FILIP1: variants seen among roughly 807,000 people sequenced by gnomAD.
FILIP1 encodes filamin-A-interacting protein 1.
FILIP1 carries 61 observed loss-of-function variants against 102.1 expected under a neutral mutation model. The observed-to-expected ratio is 0.60, with a 90% CI of 0.49 to 0.74. FILIP1 has a LOEUF of 0.74. Among genes scored for constraint, FILIP1 ranks in the 30% least tolerant of loss-of-function variants. FILIP1 has a pLI of 0.00. For missense variants in FILIP1, 1,314 were observed against 1,441.2 expected (o/e 0.91, Z 1.43); for synonymous variants, 491 against 526.9 (o/e 0.93, Z 0.93).
intron 1 of FILIP1, among the ~76,000 whole-genome samples, chr6:75,445,790 T>C (rs530644089): frequency 6.6e-6 from 1 of 151,482 alleles, no homozygotes; most frequent in South Asian, 2.1e-4. Flanking sequence ...TAATTAACAA[T>C]ATATATTTTT....
At chr6:75,424,791 G>T (rs563890646) in intron 1 of FILIP1, among the ~76,000 whole-genome samples, 31 of 152,182 alleles carry the variant, frequency 2.0e-4, no homozygotes, top group African/African-American at 7.2e-4. Context: ...TGATTTGGAT[G>T]ATATCATTGC....
At position 75,313,611 on chromosome 6, in the gene FILIP1, G is replaced by T. The variant is rs1342108493; in HGVS notation, c.2221C>A (p.Leu741Ile). The part of the protein sequence containing the change: ...IHELMNKEDQ[L>I]SQLQVDYSVL... ...GAATAATCTACCTGGAGCTGAGAAA[G>T]CTGATCTTCTTTGTTCATTAATTCG... is the stretch of plus-strand genomic sequence containing the variant. Residue 741 changes from leucine (L) to isoleucine (I), a missense_variant, in exon 5 of 6, where the codon CTT becomes ATT. Physicochemically the swap from Leu to Ile is conservative, Grantham distance 5. Transcript: ENST00000237172. This position sits in a 1 kb window ranked among gnomAD's most constrained non-coding sequence, Gnocchi z 4.2. 1.2e-6 allele frequency: 2 copies of T among 1,607,490 alleles called. No individual in the cohort carries two copies. Among genetic ancestry groups the T allele is most frequent in the Non-Finnish European group, 1.7e-6 (2 of 1,178,224 alleles).
chr6:75,417,590 C>T (rs1777310577), intron 1 of FILIP1, among the ~76,000 whole-genome samples: 1 of 152,166 alleles, frequency 6.6e-6, no homozygotes, highest in Non-Finnish European at 1.5e-5. Context: ...TAATAGCTCT[C>T]ACTTACTGCT....
exon 7 of FILIP1, chr6:75,295,337 G>A (rs1464982774): frequency 6.6e-6 from 1 of 152,138 alleles, no homozygotes; most frequent in Non-Finnish European, 1.5e-5. Context: ...TTATTTGTTA[G>A]CATTGAACCA....
Position 75,372,793 on chromosome 6 carries a change from A to AGAAAGAAAGAAG in FILIP1, c.277-9877_277-9876insCTTCTTTCTTTC, listed in dbSNP as rs1554204978. Among the ~76,000 whole-genome samples, 59 of 41,492 alleles carry AGAAAGAAAGAAG rather than the reference A, an allele frequency of 1.4e-3. 13 individuals are homozygous for AGAAAGAAAGAAG. Among genetic ancestry groups the AGAAAGAAAGAAG allele is most frequent in the South Asian group, 8.9e-3 (9 of 1,012 alleles). The allele number at this position is 41,492 out of a possible 152,430, so 27.2% of individuals were successfully genotyped here. A position where few individuals can be genotyped will look rare whatever the true frequency, so the allele number is the denominator to read the frequency against. On this transcript the variant is annotated intron_variant, in intron 2 of 5. Transcript: ENST00000237172. Reference sequence around the variant, plus strand: ...AAGAAAGAAAGAAAGAAAGAAAGAAAGAAGGAAAGAAAGAAAGAAAAGAGT... The same window carrying AGAAAGAAAGAAG: ...AAGAAAGAAAGAAAGAAAGAAAGAAAGAAAGAAAGAAGGAAGGAAAGAAAGAAAGAAAAGAGT...
intron 1 of FILIP1, among the ~76,000 whole-genome samples, chr6:75,453,495 T>C (rs1225374495): frequency 6.6e-6 from 1 of 152,180 alleles, no homozygotes. Flanking sequence ...TGCTAGAGAT[T>C]ACATAGGTGA....
chr6:75,414,744 T>C lies in FILIP1; in HGVS notation c.229A>G (p.Lys77Glu), dbSNP rs1309048149. ...RKTKKSLELS[K>E]EDLIQLLSIM... Reference sequence around the variant, plus strand: ...CTGAGTAGTTGGATGAGGTCTTCTTTGGATAACTCCAGGGATTTCTTAGTT... The same window carrying C: ...CTGAGTAGTTGGATGAGGTCTTCTTCGGATAACTCCAGGGATTTCTTAGTT... Residue 77 changes from lysine (K) to glutamate (E), a missense_variant, in exon 2 of 6, where the codon AAA (lysine) becomes GAA (glutamate). Lys to Glu is a moderately conservative substitution (Grantham distance 56). Coordinates refer to ENST00000237172, the MANE Select transcript of FILIP1 (RefSeq NM_015687.5). 6.2e-7 allele frequency: 1 copy of C among 1,613,776 alleles called. No individual in the cohort carries two copies. The highest frequency in any genetic ancestry group is 8.5e-7 in the Non-Finnish European group (1 of 1,179,816).
At chr6:75,410,356 C>T (rs1018125771) in intron 2 of FILIP1, among the ~76,000 whole-genome samples, 8 of 151,968 alleles carry the variant, frequency 5.3e-5, no homozygotes, top group Admixed American at 2.0e-4. Flanking sequence ...TTATCTCTAG[C>T]CCGGCAAACC....
chr6:75,381,345 T>C (rs558263719), intron 2 of FILIP1, among the ~76,000 whole-genome samples: 2 of 152,248 alleles, frequency 1.3e-5, no homozygotes, highest in East Asian at 3.9e-4. Flanking sequence ...TTCTCCTGCT[T>C]CAGCCTCCTG....
chr6:75,429,441 G>A (rs1291838855), intron 1 of FILIP1, among the ~76,000 whole-genome samples: 2 of 152,194 alleles, frequency 1.3e-5, no homozygotes, highest in East Asian at 1.9e-4. Flanking sequence ...AGGGGAGAAG[G>A]AATGTTGTGC....
At chr6:75,359,116 G>A (rs542602799) in intron 3 of FILIP1, among the ~76,000 whole-genome samples, 11 of 150,864 alleles carry the variant, frequency 7.3e-5, no homozygotes, top group African/African-American at 1.7e-4. Flanking sequence ...AGTGATTCTC[G>A]TGCTTCAGCC....
intron 4 of FILIP1, among the ~76,000 whole-genome samples, chr6:75,340,437 A>T (rs1774382584): frequency 1.3e-5 from 2 of 152,180 alleles, no homozygotes; most frequent in African/African-American, 4.8e-5. Context: ...CAAAAAGATG[A>T]CTATGATAAT....
At position 75,347,509 on chromosome 6, in the gene FILIP1, G is replaced by A. The variant is rs148735136; in HGVS notation, c.629+6030C>T. Among the ~76,000 whole-genome samples, 57 of 152,292 alleles carry A rather than the reference G, an allele frequency of 3.7e-4. 1 individual carries two copies. The East Asian group carries it at 0.011, about 29-fold the overall frequency. On this transcript the variant is annotated intron_variant, in intron 4 of 5. Coordinates refer to ENST00000237172, the MANE Select transcript of FILIP1 (RefSeq NM_015687.5). ...AGCATCAGCAACCTTTTTCTACAGA[G>A]TGCTTTATTTAGATTCTCTGAGCTA... is the stretch of plus-strand genomic sequence containing the variant.
At chr6:75,310,171 T>A (rs533176441) in intron 5 of FILIP1, among the ~76,000 whole-genome samples, 66 of 152,366 alleles carry the variant, frequency 4.3e-4, no homozygotes, top group African/African-American at 1.5e-3. Context: ...TCCTTCACAC[T>A]GTCGTGCCTT....
Position 75,414,954 on chromosome 6 carries a change from C to G in FILIP1, c.19G>C (p.Gly7Arg), listed in dbSNP as rs576070921. The change falls in exon 2 of 6, where the codon GGT becomes CGT. Residue 7 changes from glycine (G) to arginine (R), a missense_variant. Gly to Arg is a moderately radical substitution (Grantham distance 125). Around this residue, in one of 3 missense-constraint regions of FILIP1, gnomAD observed 494 missense variants for 511.2 expected, o/e 0.97. Coordinates refer to ENST00000237172, the MANE Select transcript of FILIP1 (RefSeq NM_015687.5). ...TGCCCATCAGATGCACTTTCACCAC[C>G]TTGGTTTCGAGATCTCATTCCCACC... MRSRNQ[G>R]GESASDGHIS... 6.2e-7 allele frequency: 1 copy of G among 1,613,496 alleles called. No individual in the cohort carries two copies. Among genetic ancestry groups the G allele is most frequent in the Non-Finnish European group, 8.5e-7 (1 of 1,179,628 alleles).
At chr6:75,425,676 T>A (rs557588904) in intron 1 of FILIP1, among the ~76,000 whole-genome samples, 11 of 152,266 alleles carry the variant, frequency 7.2e-5, no homozygotes, top group Admixed American at 6.5e-4. Flanking sequence ...TCTGTAATGC[T>A]GGACAAGTCA....
intron 1 of FILIP1, among the ~76,000 whole-genome samples, chr6:75,466,483 A>G (rs1410016251): frequency 3.3e-5 from 5 of 152,238 alleles, no homozygotes; most frequent in Non-Finnish European, 7.3e-5. Flanking sequence ...TCCATTCATC[A>G]ACAACGTTAT....
At chr6:75,423,986 T>G (rs896734857) in intron 1 of FILIP1, among the ~76,000 whole-genome samples, 2 of 152,214 alleles carry the variant, frequency 1.3e-5, no homozygotes, top group Non-Finnish European at 2.9e-5. Context: ...TTAAAATTCA[T>G]GGACTGGAAC....
At chr6:75,407,626 T>C (rs1776918514) in intron 2 of FILIP1, among the ~76,000 whole-genome samples, 1 of 152,196 alleles carries the variant, frequency 6.6e-6, no homozygotes, top group Non-Finnish European at 1.5e-5. Context: ...AATGTGTCAA[T>C]GACTTTGTCT....
Sources: gnomAD v4.1 joint callset for allele counts (sites outside exome capture counted in the v4.1 genomes callset) on GRCh38, gnomAD v4.1.1 for gene constraint, gnomAD v4.1.1 regional missense constraint, Gnocchi (gnomAD v3.1) non-coding constraint, MANE v1.5 for transcripts, NCBI Gene and HGNC (gene_info 2026-07-23, HGNC 2026-07-21) for gene names.